Variants in PBX1 observed in about 807,000 individuals in gnomAD.
PBX1 encodes the protein PBX homeobox 1.
Under a neutral mutation model 53.4 loss-of-function variants are expected in PBX1, and 6 were observed. The ratio of observed to expected loss-of-function variants is 0.11; its 90% CI spans 0.06 to 0.22. PBX1 has a LOEUF of 0.22. Among genes scored for constraint, PBX1 ranks in the 10% least tolerant of loss-of-function variants. The probability of loss-of-function intolerance (pLI) is 1.00; values close to 1 mark genes in which losing one functional copy is unlikely to be tolerated. For synonymous variants in PBX1, 204 were observed against 212.3 expected, an observed-to-expected ratio of 0.96 and a Z score of 0.34; for missense variants, 251 against 551.4, an observed-to-expected ratio of 0.46 and a Z score of 5.46.
chr1:164,783,792 T>C (rs1668041511), intron 2 of PBX1, among the ~76,000 whole-genome samples: 1 of 152,176 alleles, frequency 6.6e-6, no homozygotes, highest in African/African-American at 2.4e-5. Context: ...TATACTTTTC[T>C]AGGTATTAAA....
At chr1:164,632,804 G>A (rs997925410) in intron 2 of PBX1, among the ~76,000 whole-genome samples, 1 of 152,122 alleles carries the variant, frequency 6.6e-6, no homozygotes, top group Non-Finnish European at 1.5e-5. Context: ...CTCTCCACAA[G>A]TTTGATGTTG....
chr1:164,666,378 G>A (rs1292620418), intron 2 of PBX1, among the ~76,000 whole-genome samples: 2 of 152,160 alleles, frequency 1.3e-5, no homozygotes, highest in East Asian at 1.9e-4. Context: ...TGTTGTTTTT[G>A]TATATAAATA....
chr1:164,582,219 A>G (rs1194023327), intron 2 of PBX1, among the ~76,000 whole-genome samples: 1 of 152,154 alleles, frequency 6.6e-6, no homozygotes, highest in Non-Finnish European at 1.5e-5. Context: ...TTTGGGTCAA[A>G]CTAGTCTAGG....
chr1:164,681,169 C>T (rs1661749024), intron 2 of PBX1, among the ~76,000 whole-genome samples: 1 of 152,054 alleles, frequency 6.6e-6, no homozygotes, highest in Non-Finnish European at 1.5e-5. Context: ...TGCTTGGGCC[C>T]AGGAGTTCGA....
downstream of PBX1, among the ~76,000 whole-genome samples, chr1:164,852,750 A>G (rs1404860834): frequency 6.6e-6 from 1 of 152,186 alleles, no homozygotes; most frequent in Non-Finnish European, 1.5e-5. Context: ...TCAAATTATC[A>G]TTTTTATTAA....
At chr1:164,675,817 GATCAGACTAGAGATTTCTATGTTTC>G (rs1300004500) in intron 2 of PBX1, among the ~76,000 whole-genome samples, 4 of 152,198 alleles carry the variant, frequency 2.6e-5, no homozygotes, top group African/African-American at 9.6e-5. Flanking sequence ...TCTTGGTGGG[GATCAGACTAGAGATTTCTATGTTTC>G]ATCAGACTAG....
At chr1:164,747,182 G>A (rs1004626262) in intron 2 of PBX1, among the ~76,000 whole-genome samples, 27 of 151,998 alleles carry the variant, frequency 1.8e-4, no homozygotes, top group African/African-American at 6.0e-4. Flanking sequence ...AATACTGCTA[G>A]TTCCTTTTTC....
intron 2 of PBX1, among the ~76,000 whole-genome samples, chr1:164,569,144 T>A (rs1033539255): frequency 6.6e-6 from 1 of 152,178 alleles, no homozygotes; most frequent in African/African-American, 2.4e-5. Flanking sequence ...CATAGAAAAG[T>A]TGCTTAAATA....
chr1:164,655,543 A>G (rs1660117947), intron 2 of PBX1, among the ~76,000 whole-genome samples: 1 of 152,176 alleles, frequency 6.6e-6, no homozygotes. Flanking sequence ...ACCACTCTTA[A>G]TCTTCCAAGG....
chr1:164,672,283 G>C (rs1661164860), intron 2 of PBX1, among the ~76,000 whole-genome samples: 1 of 152,000 alleles, frequency 6.6e-6, no homozygotes, highest in East Asian at 1.9e-4. Flanking sequence ...CAGGGGACTT[G>C]ATCCCAGTAA....
chr1:164,564,242 A>G (rs1441861488), intron 2 of PBX1, among the ~76,000 whole-genome samples: 1 of 152,174 alleles, frequency 6.6e-6, no homozygotes, highest in East Asian at 1.9e-4. Flanking sequence ...AGAGCAGTGC[A>G]AAGTACCTGA....
rs1671743865 is a variant in PBX1, at chr1:164,849,795, A to G, written c.*3119A>G. On this transcript the variant is annotated 3_prime_UTR_variant, in exon 9 of 9. Transcript: ENST00000420696. The stretch of plus-strand genomic sequence containing the variant: ...ATTTGCTGGTTGTCTTTTCTCACAC[A>G]TCTTTCTCTCTGTCTCTCTCTTTCC... 2 of 235,928 alleles carry G rather than the reference A, an allele frequency of 8.5e-6. No homozygotes were observed. Among genetic ancestry groups the G allele is most frequent in the Non-Finnish European group, 1.7e-5 (2 of 120,122 alleles). The allele number at this position is 235,928 out of a possible 1,614,324, so 14.6% of individuals were successfully genotyped here.
intron 3 of PBX1, among the ~76,000 whole-genome samples, chr1:164,798,118 C>G (rs1410388278): frequency 1.3e-5 from 2 of 152,226 alleles, no homozygotes; most frequent in African/African-American, 4.8e-5. Context: ...GGGTCAAAAA[C>G]CCAGGCCTCC....
intron 2 of PBX1, among the ~76,000 whole-genome samples, chr1:164,738,098 T>C (rs149066506): frequency 0.01 from 1,542 of 152,306 alleles, 9 homozygotes; most frequent in Non-Finnish European, 0.014. Flanking sequence ...GTTTGTTGTT[T>C]CTGAGTAGTA....
At chr1:164,842,195 G>C (rs1287374938) in intron 8 of PBX1, among the ~76,000 whole-genome samples, 1 of 152,228 alleles carries the variant, frequency 6.6e-6, no homozygotes, top group African/African-American at 2.4e-5. Context: ...TGTGGTCCCC[G>C]TTCTGGTTCA....
intron 8 of PBX1, among the ~76,000 whole-genome samples, chr1:164,843,747 G>T (rs1358193976): frequency 6.6e-6 from 1 of 152,048 alleles, no homozygotes; most frequent in African/African-American, 2.4e-5. Context: ...TGAGAAAACA[G>T]AACTTTTTAA....
intron 6 of PBX1, 133 bp downstream of exon 6, chr1:164,812,282 T>G: frequency 1.2e-6 from 1 of 852,200 alleles, no homozygotes; most frequent in Non-Finnish European, 1.7e-6. Flanking sequence ...ATTGTATTTT[T>G]GGATGTTAAT....
At chr1:164,648,500 A>G (rs772072097) in intron 2 of PBX1, among the ~76,000 whole-genome samples, 10 of 152,184 alleles carry the variant, frequency 6.6e-5, no homozygotes, top group Non-Finnish European at 1.5e-4. Context: ...TTTTACTTGC[A>G]CGCAGCAGAG....
At chr1:164,795,728 T>C (rs761078842) in intron 3 of PBX1, among the ~76,000 whole-genome samples, 2 of 152,170 alleles carry the variant, frequency 1.3e-5, no homozygotes, top group Non-Finnish European at 2.9e-5. Context: ...CTGAGAGATA[T>C]CTTCTTCATT....
Sources: allele counts gnomAD v4.1 joint callset (sites outside exome capture counted in the v4.1 genomes callset), GRCh38; gene constraint gnomAD v4.1.1; transcripts MANE v1.5; gene names NCBI Gene and HGNC (gene_info 2026-07-23, HGNC 2026-07-21).